Variants in OIP5 observed in about 807,000 individuals in gnomAD.
The protein encoded by OIP5 is Opa interacting protein 5.
A neutral mutation model predicts 20.3 loss-of-function variants in OIP5; 24 were observed. The ratio of observed to expected loss-of-function variants is 1.18; its 90% CI spans 0.86 to 1.66. The LOEUF (loss-of-function observed/expected upper bound fraction) is 1.66, where lower values mean the gene tolerates loss of function less well. Among genes scored for constraint, OIP5 ranks in the 40% most tolerant of loss-of-function variants. The pLI is 0.00. For synonymous variants in OIP5, 143 were observed against 121.3 expected, an observed-to-expected ratio of 1.18 and a Z score of -1.17; for missense variants, 339 against 289.5, an observed-to-expected ratio of 1.17 and a Z score of -1.24.
intron 3 of OIP5, among the ~76,000 whole-genome samples, chr15:41,319,370 C>T (rs972795091): frequency 4.6e-5 from 7 of 152,054 alleles, no homozygotes; most frequent in African/African-American, 1.7e-4. Flanking sequence ...ATTCTCGTGC[C>T]TCAGCCTCCT....
At chr15:41,315,358 G>A (rs2047783250) in intron 3 of OIP5, among the ~76,000 whole-genome samples, 1 of 151,622 alleles carries the variant, frequency 6.6e-6, no homozygotes, top group Admixed American at 6.6e-5. Context: ...GAACCTGGGA[G>A]GCGGAGGTTG....
intron 4 of OIP5, among the ~76,000 whole-genome samples, chr15:41,312,172 T>C (rs2047760171): frequency 9.7e-6 from 1 of 103,104 alleles, no homozygotes; most frequent in African/African-American, 2.7e-5. Flanking sequence ...TTCTTTTTTT[T>C]TTTTTTGAGA....
At chr15:41,309,881 T>C in intron 4 of OIP5, 32 bp from the exon 5 acceptor site, 1 of 1,471,662 alleles carries the variant, frequency 6.8e-7, no homozygotes, top group Non-Finnish European at 9.4e-7. Flanking sequence ...TATCAGGGCA[T>C]CTTTTTTTAT....
chr15:41,326,165 A>C (rs112715811), intron 2 of OIP5, among the ~76,000 whole-genome samples: 5,982 of 152,302 alleles, frequency 0.039, 237 homozygotes, highest in African/African-American at 0.1. Context: ...CCATCTCAAA[A>C]AAACAAACAA....
intron 2 of OIP5, among the ~76,000 whole-genome samples, chr15:41,322,223 G>A (rs1378869559): frequency 6.6e-6 from 1 of 152,152 alleles, no homozygotes; most frequent in East Asian, 1.9e-4. Context: ...CAGATAGCTT[G>A]AGCCCAGGAA....
At chr15:41,313,011 T>C (rs534121613) in intron 4 of OIP5, among the ~76,000 whole-genome samples, 1 of 152,350 alleles carries the variant, frequency 6.6e-6, no homozygotes, top group African/African-American at 2.4e-5. Flanking sequence ...GACACCTCTA[T>C]GGCAAGATGA....
Position 41,332,032 on chromosome 15 carries a change from G to GA in OIP5, c.323-52dup, listed in dbSNP as rs760744835. Reference sequence around the variant, plus strand: ...CCCATACTCTGCGGGCCTTGAAATGGAAAATCTCTCCTCTAGACAGACTCA... The same window carrying GA: ...CCCATACTCTGCGGGCCTTGAAATGGAAAAATCTCTCCTCTAGACAGACTCA... On this transcript the variant is annotated intron_variant, in intron 1 of 4. Coordinates refer to ENST00000220514, the MANE Select transcript of OIP5 (RefSeq NM_007280.2). 10 of 1,560,234 alleles carry GA rather than the reference G, an allele frequency of 6.4e-6. No individual in the cohort carries two copies. The African/African-American group carries it at 1.1e-4, about 17-fold the overall frequency.
intron 3 of OIP5, among the ~76,000 whole-genome samples, chr15:41,316,137 G>GA (rs11292379): frequency 2.1e-4 from 30 of 144,844 alleles, no homozygotes; most frequent in East Asian, 1.0e-3. Flanking sequence ...CCGTCTCAAA[G>GA]AAAAAAAAAA....
At chr15:41,320,012 A>G (rs1422694815) in intron 2 of OIP5, among the ~76,000 whole-genome samples, 8 of 152,172 alleles carry the variant, frequency 5.3e-5, no homozygotes, top group Non-Finnish European at 1.0e-4. Flanking sequence ...TCATGGATGT[A>G]TAATTGTCGC....
In OIP5 at chr15:41,332,508, C is replaced by T; in HGVS notation, c.54G>A (p.Gly18=). Residue 18 remains glycine (G), a synonymous_variant, in exon 1 of 5, where the codon GGG becomes GGA. Transcript: ENST00000220514. ...CCCTCTCAGTGCCACCACAAAAGTC[C>T]CCCCGGGGCGGCGTTGCACAACGTG... is the stretch of plus-strand genomic sequence containing the variant. The part of the protein sequence containing the change: ...HRSRCATPPR[G]DFCGGTERAI... 1 of 1,613,760 alleles carries T rather than the reference C, an allele frequency of 6.2e-7. No homozygotes were observed. Among genetic ancestry groups the T allele is most frequent in the Non-Finnish European group, 8.5e-7 (1 of 1,179,862 alleles).
intron 4 of OIP5, among the ~76,000 whole-genome samples, chr15:41,310,359 G>A (rs1302645000): frequency 6.6e-6 from 1 of 152,192 alleles, no homozygotes; most frequent in Non-Finnish European, 1.5e-5. Flanking sequence ...AGGCGCAGTG[G>A]CTCACGCCTC....
At chr15:41,321,755 T>C (rs1470616861) in intron 2 of OIP5, among the ~76,000 whole-genome samples, 1 of 151,268 alleles carries the variant, frequency 6.6e-6, no homozygotes, top group Non-Finnish European at 1.5e-5. Context: ...CACCACTCCC[T>C]AATCTCAAGT....
intron 2 of OIP5, among the ~76,000 whole-genome samples, chr15:41,324,486 T>C (rs1203254346): frequency 6.6e-6 from 1 of 152,066 alleles, no homozygotes; most frequent in Admixed American, 6.6e-5. Flanking sequence ...TTAATTTCCA[T>C]TTATTTATTT....
chr15:41,316,759 C>T lies in OIP5; in HGVS notation c.512+2899G>A, dbSNP rs573165781. 1.1e-4 allele frequency among the ~76,000 whole-genome samples: 14 copies of T among 129,726 alleles called. No individual in the cohort carries two copies. The East Asian group carries it at 3.1e-3, about 28-fold the overall frequency. 85.1% of individuals were successfully genotyped at this position (129,726 alleles called of 152,430 possible). A position where few individuals can be genotyped will look rare whatever the true frequency, so the allele number is the denominator to read the frequency against. On this transcript the variant is annotated intron_variant, in intron 3 of 4. Transcript: ENST00000220514. ...GAACCAAGATCACGTCACTGCACTC[C>T]AGCCTGGGCGCCACAGCAAGACTCC...
At chr15:41,311,627 G>C (rs2047754880) in intron 4 of OIP5, among the ~76,000 whole-genome samples, 1 of 152,060 alleles carries the variant, frequency 6.6e-6, no homozygotes, top group African/African-American at 2.4e-5. Flanking sequence ...GAATGCAATG[G>C]CGTGATCTTG....
At chr15:41,312,627 A>ATTT (rs907153998) in intron 4 of OIP5, among the ~76,000 whole-genome samples, 2 of 127,028 alleles carry the variant, frequency 1.6e-5, no homozygotes, top group African/African-American at 6.2e-5. Flanking sequence ...GACCGGCTAA[A>ATTT]TTTTTTTTTT....
intron 3 of OIP5, 31 bp from the exon 4 acceptor site, chr15:41,313,385 C>A: frequency 1.7e-6 from 2 of 1,198,002 alleles, no homozygotes; most frequent in South Asian, 1.3e-5. Context: ...ATATTAGTGT[C>A]ATACCATGGT....
At chr15:41,323,351 G>A (rs1173321328) in intron 2 of OIP5, among the ~76,000 whole-genome samples, 1 of 152,150 alleles carries the variant, frequency 6.6e-6, no homozygotes, top group Non-Finnish European at 1.5e-5. Context: ...TGGGTTTCCA[G>A]AAGGTTTTTG....
In OIP5 at chr15:41,325,668, C is replaced by T. The variant is rs144041711; in HGVS notation, c.390-5888G>A. 5.7e-3 allele frequency among the ~76,000 whole-genome samples: 835 copies of T among 145,814 alleles called. 3 individuals are homozygous for T. Among genetic ancestry groups the T allele is most frequent in the Non-Finnish European group, 9.4e-3 (627 of 66,514 alleles). On this transcript the variant is annotated intron_variant, in intron 2 of 4. Coordinates refer to ENST00000220514, the MANE Select transcript of OIP5 (RefSeq NM_007280.2). ...GAGTTCAGGACCAGCCTGGCAAACA[C>T]GGCGAAACCCATCTCTAATAAAAAT...
Sources: allele counts gnomAD v4.1 joint callset (sites outside exome capture counted in the v4.1 genomes callset), GRCh38; gene constraint gnomAD v4.1.1; transcripts MANE v1.5; gene names NCBI Gene and HGNC (gene_info 2026-07-23, HGNC 2026-07-21).